The following DIAPH3 variants were observed in gnomAD, a reference collection of about 807,000 sequenced individuals.
The protein encoded by DIAPH3 is diaphanous related formin 3.
DIAPH3 carries 117 observed loss-of-function variants against 144.3 expected under a neutral mutation model. The observed-to-expected ratio is 0.81, with a 90% CI of 0.70 to 0.95. DIAPH3 has a LOEUF of 0.95. DIAPH3 is among the 40% of genes least tolerant of loss of function. The pLI is 0.00. For missense variants in DIAPH3, 1,421 were observed against 1,412.7 expected (o/e 1.01, Z -0.09); for synonymous variants, 519 against 488.9 (o/e 1.06, Z -0.81).
intron 20 of DIAPH3, among the ~76,000 whole-genome samples, chr13:59,898,586 T>C (rs2046258649): frequency 6.6e-6 from 1 of 152,232 alleles, no homozygotes; most frequent in African/African-American, 2.4e-5. Flanking sequence ...AATTTACTTA[T>C]TCATTCATCA....
At chr13:59,906,306 A>T (rs1301456513) in intron 20 of DIAPH3, among the ~76,000 whole-genome samples, 1 of 152,218 alleles carries the variant, frequency 6.6e-6, no homozygotes, top group Non-Finnish European at 1.5e-5. Flanking sequence ...CACAGCCAAA[A>T]AGTTTCAGAA....
chr13:60,092,027 G>A (rs1015707712), intron 4 of DIAPH3, among the ~76,000 whole-genome samples: 4 of 151,768 alleles, frequency 2.6e-5, no homozygotes, highest in Admixed American at 6.6e-5. Flanking sequence ...TTCTGGTTGA[G>A]ACAAAGTCTC....
chr13:60,089,208 A>G (rs1351592500), intron 4 of DIAPH3, among the ~76,000 whole-genome samples: 2 of 152,140 alleles, frequency 1.3e-5, no homozygotes, highest in Non-Finnish European at 1.5e-5. Flanking sequence ...TCCCAAAGAG[A>G]AAAGAGGAAA....
At chr13:59,885,485 C>T (rs888274470) in intron 20 of DIAPH3, among the ~76,000 whole-genome samples, 2 of 134,280 alleles carry the variant, frequency 1.5e-5, no homozygotes, top group Non-Finnish European at 3.2e-5. Context: ...GAGATTTATA[C>T]ACACGTTGTA....
chr13:59,716,033 A>G (rs1456533783), intron 27 of DIAPH3, among the ~76,000 whole-genome samples: 1 of 152,224 alleles, frequency 6.6e-6, no homozygotes, highest in South Asian at 2.1e-4. Context: ...GTCACTTAAC[A>G]GACAACTGCA....
intron 20 of DIAPH3, among the ~76,000 whole-genome samples, chr13:59,911,151 G>T (rs903933730): frequency 2.0e-5 from 3 of 152,008 alleles, no homozygotes; most frequent in African/African-American, 7.2e-5. Context: ...AAGAAATCTT[G>T]ATAAAAATCT....
chr13:60,067,769 TG>T (rs2057028374), intron 4 of DIAPH3, among the ~76,000 whole-genome samples: 1 of 152,194 alleles, frequency 6.6e-6, no homozygotes, highest in South Asian at 2.1e-4. Context: ...TATATTTATC[TG>T]ATTTTTTTCA....
At chr13:59,910,737 T>G (rs1012349555) in intron 20 of DIAPH3, among the ~76,000 whole-genome samples, 4 of 119,852 alleles carry the variant, frequency 3.3e-5, no homozygotes, top group African/African-American at 1.2e-4. Flanking sequence ...CTCAAGTATT[T>G]AAAAAAAAAA....
intron 19 of DIAPH3, among the ~76,000 whole-genome samples, chr13:59,915,875 TAACAAA>T (rs1279909750): frequency 6.6e-6 from 1 of 152,042 alleles, no homozygotes; most frequent in Non-Finnish European, 1.5e-5. Context: ...TAATAAAGTA[TAACAAA>T]AACAAAAATG....
intron 27 of DIAPH3, among the ~76,000 whole-genome samples, chr13:59,759,164 T>C (rs541973298): frequency 1.3e-5 from 2 of 152,204 alleles, no homozygotes; most frequent in South Asian, 4.1e-4. Flanking sequence ...CTTTTTCACA[T>C]GATTAAAGAA....
At chr13:59,786,395 A>G (rs2039030606) in intron 25 of DIAPH3, among the ~76,000 whole-genome samples, 1 of 152,294 alleles carries the variant, frequency 6.6e-6, no homozygotes, top group Middle Eastern at 3.4e-3. Flanking sequence ...TTTTAACTAT[A>G]TACACAACCA....
chr13:59,931,793 G>A (rs1324009), intron 17 of DIAPH3, among the ~76,000 whole-genome samples: 114,613 of 152,100 alleles, frequency 0.75, 43,314 homozygotes, highest in Admixed American at 0.81. Flanking sequence ...TTCAGCAACA[G>A]TTGAGGAACA....
chr13:59,974,360 T>C lies in DIAPH3; in HGVS notation c.1642A>G (p.Lys548Glu). The C allele has an allele frequency of 1.2e-6, 2 of 1,612,372 alleles. No individual in the cohort carries two copies. The highest frequency in any genetic ancestry group is 2.2e-5 in the East Asian group (1 of 44,772). Residue 548 changes from lysine (K) to glutamate (E), a missense_variant, in exon 15 of 28, where the codon AAG (lysine) becomes GAG (glutamate). Coordinates refer to ENST00000400324, the MANE Select transcript of DIAPH3 (RefSeq NM_001042517.2). ...TCAGAGTGGAATTTTACCTGAGACTTAAAAGCTTGTAGCTCTGCTTGAAGC... is the reference window on the plus strand; with the variant it reads ...TCAGAGTGGAATTTTACCTGAGACTCAAAAGCTTGTAGCTCTGCTTGAAGC... ...NELQAELQAF[K>E]SQFGALPADC...
chr13:59,786,069 TCACGCCTCAG>T (rs1350919817), intron 25 of DIAPH3, among the ~76,000 whole-genome samples: 1 of 152,078 alleles, frequency 6.6e-6, no homozygotes, highest in East Asian at 1.9e-4. Flanking sequence ...TGAGCTGAGA[TCACGCCTCAG>T]CACTATAGCC....
chr13:59,822,096 A>C (rs1405319553), intron 24 of DIAPH3, among the ~76,000 whole-genome samples: 1 of 152,200 alleles, frequency 6.6e-6, no homozygotes, highest in African/African-American at 2.4e-5. Context: ...ACAATTCGTA[A>C]AATTTTCAAG....
At chr13:59,803,821 T>C (rs341532) in intron 25 of DIAPH3, among the ~76,000 whole-genome samples, 118,306 of 152,080 alleles carry the variant, frequency 0.78, 46,130 homozygotes, top group East Asian at 0.88. Flanking sequence ...AGCTGCCTAG[T>C]TAACTGACAG....
chr13:59,770,704 T>C (rs1293597720), intron 27 of DIAPH3, among the ~76,000 whole-genome samples: 1 of 152,156 alleles, frequency 6.6e-6, no homozygotes, highest in Non-Finnish European at 1.5e-5. Context: ...TAAACTGTCC[T>C]CATGAAGTCT....
intron 2 of DIAPH3, among the ~76,000 whole-genome samples, chr13:60,119,152 A>G (rs529350359): frequency 1.0e-3 from 159 of 152,328 alleles, no homozygotes; most frequent in African/African-American, 3.7e-3. Context: ...ACTAGATCAT[A>G]AAAGATTTTA....
At chr13:60,051,612 G>A (rs1020069333) in intron 4 of DIAPH3, among the ~76,000 whole-genome samples, 9 of 151,468 alleles carry the variant, frequency 5.9e-5, no homozygotes, top group South Asian at 2.1e-4. Flanking sequence ...AAGAAACTCC[G>A]TCTCAAAAAA....
Sources: allele counts gnomAD v4.1 joint callset (sites outside exome capture counted in the v4.1 genomes callset), GRCh38; gene constraint gnomAD v4.1.1; transcripts MANE v1.5; gene names NCBI Gene and HGNC (gene_info 2026-07-23, HGNC 2026-07-21).